NEGR1: variants seen among roughly 807,000 people sequenced by gnomAD.
The protein encoded by NEGR1 is neuronal growth regulator 1, also known as IgLON family member 4.
In NEGR1, 10 loss-of-function variants were observed where a neutral mutation model predicts 40.9. The ratio of observed to expected loss-of-function variants is 0.24; its 90% confidence interval spans 0.15 to 0.42. NEGR1 has a LOEUF of 0.42. Ranked by LOEUF, NEGR1 falls within the 10% of genes least tolerant of loss-of-function variation. The pLI, the probability that NEGR1 is intolerant of heterozygous loss-of-function variation, is 1.00. For missense variants in NEGR1, 352 were observed against 438.9 expected, an observed-to-expected ratio of 0.80 and a Z score of 1.77; for synonymous variants, 185 against 166.8, an observed-to-expected ratio of 1.11 and a Z score of -0.84.
At chr1:71,994,037 A>G (rs1646479522) in intron 1 of NEGR1, among the ~76,000 whole-genome samples, 2 of 152,214 alleles carry the variant, frequency 1.3e-5, no homozygotes, top group Admixed American at 1.3e-4. Flanking sequence ...CCCAAGACCT[A>G]ATAGAACATC....
intron 6 of NEGR1, among the ~76,000 whole-genome samples, chr1:71,443,126 C>T (rs905191003): frequency 6.6e-6 from 1 of 152,176 alleles, no homozygotes; most frequent in Non-Finnish European, 1.5e-5. Flanking sequence ...GTTCTTCATT[C>T]GCTTTAGCTA....
chr1:71,433,786 C>T (rs1256634950), intron 6 of NEGR1, among the ~76,000 whole-genome samples: 2 of 152,154 alleles, frequency 1.3e-5, no homozygotes, highest in African/African-American at 4.8e-5. Flanking sequence ...CCATATCATA[C>T]AGTGTGTGTG....
At chr1:71,610,977 A>AAAG (rs763876467) in intron 5 of NEGR1, 49 bp downstream of exon 5, 2 of 1,575,924 alleles carry the variant, frequency 1.3e-6, no homozygotes, top group Admixed American at 1.7e-5. Flanking sequence ...AAACACAAGC[A>AAAG]CGTTAGCTCA....
At chr1:71,474,572 G>A (rs879727632) in intron 6 of NEGR1, among the ~76,000 whole-genome samples, 11 of 148,238 alleles carry the variant, frequency 7.4e-5, no homozygotes, top group Admixed American at 4.0e-4. Context: ...TTAGCCAGGC[G>A]TGGTGGCAGG....
intron 4 of NEGR1, among the ~76,000 whole-genome samples, chr1:71,697,198 A>G (rs1206687389): frequency 6.6e-6 from 1 of 151,912 alleles, no homozygotes; most frequent in Non-Finnish European, 1.5e-5. Context: ...TAGAAAGATA[A>G]GTAAGTAGAA....
chr1:71,932,051 A>C (rs1645860214), intron 2 of NEGR1, among the ~76,000 whole-genome samples: 1 of 152,134 alleles, frequency 6.6e-6, no homozygotes, highest in Non-Finnish European at 1.5e-5. Context: ...GCCAGGCTCC[A>C]AATTATCACA....
intron 4 of NEGR1, among the ~76,000 whole-genome samples, chr1:71,614,820 G>C (rs1650390554): frequency 1.3e-5 from 2 of 152,138 alleles, no homozygotes; most frequent in African/African-American, 2.4e-5. Flanking sequence ...ATCATTAAAA[G>C]GCTTTTGTGC....
chr1:71,814,646 G>A (rs1658132793), intron 2 of NEGR1, among the ~76,000 whole-genome samples: 1 of 152,058 alleles, frequency 6.6e-6, no homozygotes, highest in African/African-American at 2.4e-5. Context: ...TTGGGAGGGT[G>A]TATGTATCCA....
chr1:71,609,398 C>T (rs887379267), intron 5 of NEGR1, among the ~76,000 whole-genome samples: 1 of 150,462 alleles, frequency 6.6e-6, no homozygotes, highest in Non-Finnish European at 1.5e-5. Flanking sequence ...ACCTGTAGTC[C>T]CAGCTACTTG....
intron 2 of NEGR1, among the ~76,000 whole-genome samples, chr1:71,895,610 T>C (rs1032646892): frequency 6.6e-6 from 1 of 151,646 alleles, no homozygotes; most frequent in African/African-American, 2.4e-5. Flanking sequence ...TTCAGCTATA[T>C]TGTAACATAT....
intron 4 of NEGR1, among the ~76,000 whole-genome samples, chr1:71,681,456 G>A: frequency 6.6e-6 from 1 of 152,266 alleles, no homozygotes. Flanking sequence ...TTGCTGCTGA[G>A]AAATCAACAG....
At chr1:71,533,273 G>A (rs1647410978) in intron 6 of NEGR1, among the ~76,000 whole-genome samples, 2 of 151,574 alleles carry the variant, frequency 1.3e-5, no homozygotes, top group South Asian at 2.1e-4. Context: ...CATGTAGAAT[G>A]TCTTCCTCTT....
At chr1:71,710,197 C>T (rs945918737) in intron 3 of NEGR1, among the ~76,000 whole-genome samples, 4 of 152,156 alleles carry the variant, frequency 2.6e-5, no homozygotes, top group African/African-American at 4.8e-5. Context: ...ATTACAATCT[C>T]GCCCCAGTTA....
intron 1 of NEGR1, among the ~76,000 whole-genome samples, chr1:72,236,436 A>G (rs75366354): frequency 0.013 from 2,007 of 152,092 alleles, 44 homozygotes; most frequent in African/African-American, 0.046. Context: ...ATAATAAAAA[A>G]AAGAAGAAGA....
At position 71,406,743 on chromosome 1, in the gene NEGR1, A is replaced by G. The variant is rs1182721386; in HGVS notation, c.*703T>C. On this transcript the variant is annotated 3_prime_UTR_variant, in exon 7 of 7. Coordinates refer to ENST00000357731, the MANE Select transcript of NEGR1 (RefSeq NM_173808.3). The stretch of plus-strand genomic sequence containing the variant: ...AGATAGTGTATGGTTTAACTTGATC[A>G]CTCTGGTTTATTTTTACTTTCAAAT... 6.6e-6 allele frequency: 1 copy of G among 152,380 alleles called. No individual in the cohort carries two copies. Among genetic ancestry groups the G allele is most frequent in the Non-Finnish European group, 1.5e-5 (1 of 67,944 alleles). 9.4% of individuals were successfully genotyped at this position (152,380 alleles called of 1,614,324 possible).
At chr1:72,172,018 A>C (rs1003884088) in intron 1 of NEGR1, among the ~76,000 whole-genome samples, 1 of 152,184 alleles carries the variant, frequency 6.6e-6, no homozygotes, top group Non-Finnish European at 1.5e-5. Flanking sequence ...TTTTAAAGTA[A>C]AGTTGTCTAA....
intron 2 of NEGR1, among the ~76,000 whole-genome samples, chr1:71,931,769 C>G (rs1481339590): frequency 1.3e-5 from 2 of 152,164 alleles, no homozygotes; most frequent in Non-Finnish European, 2.9e-5. Flanking sequence ...AACCATAGCA[C>G]AATTCCTGAC....
intron 1 of NEGR1, among the ~76,000 whole-genome samples, chr1:71,944,726 T>C (rs1646001592): frequency 6.6e-6 from 1 of 152,182 alleles, no homozygotes; most frequent in South Asian, 2.1e-4. Context: ...ATGTTGATCT[T>C]TAAGCATCCT....
rs115096596 is a variant in NEGR1 at position 72,220,535 on chromosome 1, C to G, written c.176+61784G>C. ...TTTCTAATTATTTGTGGTACTGTAC[C>G]AAAGAAAGAATGGGAAAATTCTATG... On this transcript the variant is annotated intron_variant, in intron 1 of 6. Coordinates refer to ENST00000357731, the MANE Select transcript of NEGR1 (RefSeq NM_173808.3). Among the ~76,000 whole-genome samples the G allele has an allele frequency of 4.5e-3, 682 of 151,890 alleles. 7 individuals are homozygous for G. The highest frequency in any genetic ancestry group is 0.015 in the African/African-American group (617 of 41,446).
Sources: gnomAD v4.1 joint callset for allele counts (sites outside exome capture counted in the v4.1 genomes callset) on GRCh38, gnomAD v4.1.1 for gene constraint, MANE v1.5 for transcripts, NCBI Gene and HGNC (gene_info 2026-07-23, HGNC 2026-07-21) for gene names.